SCAP: variants seen among roughly 807,000 people sequenced by gnomAD.
SCAP encodes sterol regulatory element-binding protein cleavage-activating protein.
Under a neutral mutation model 123.6 loss-of-function variants are expected in SCAP, and 65 were observed. The ratio of observed to expected loss-of-function variants is 0.53; its 90% confidence interval spans 0.43 to 0.65. The LOEUF is 0.65. Among genes scored for constraint, SCAP ranks in the 30% least tolerant of loss-of-function variants. SCAP has a pLI of 0.00. For synonymous variants in SCAP, 740 were observed against 726.3 expected (o/e 1.02, Z -0.30); for missense variants, 1,398 against 1,712.5 (o/e 0.82, Z 3.24).
At chr3:47,443,185 T>C (rs1706873519) in intron 1 of SCAP, 94 bp from the exon 2 acceptor site, 1 of 969,278 alleles carries the variant, frequency 1.0e-6, no homozygotes, top group Non-Finnish European at 1.5e-6. Flanking sequence ...GGCTGGGGAA[T>C]GGTTTCAGAA....
Position 47,439,188 on chromosome 3 carries a change from T to A in SCAP, c.122+3684A>T, listed in dbSNP as rs1285245632. ...CTTTGGGAGGCTGAAGTGGGCAGGT[T>A]ACTTGAGGTCAGGAGTTTGACACCA... On this transcript the variant is annotated intron_variant, in intron 2 of 22. Transcript: ENST00000265565. This position sits in a 1 kb window ranked among gnomAD's most constrained non-coding sequence, Gnocchi z 4.0. Among the ~76,000 whole-genome samples, 1 of 151,990 alleles carries A rather than the reference T, an allele frequency of 6.6e-6. No individual in the cohort carries two copies. The highest frequency in any genetic ancestry group is 1.5e-5 in the Non-Finnish European group (1 of 67,992).
chr3:47,445,887 T>C (rs1178885884), intron 1 of SCAP, among the ~76,000 whole-genome samples: 1 of 150,244 alleles, frequency 6.7e-6, no homozygotes, highest in Non-Finnish European at 1.5e-5. Flanking sequence ...TTTTTTTTTT[T>C]TTTTTTTGAG....
rs1705502045 is a variant in SCAP at position 47,414,936 on chromosome 3, A to C, written c.3197T>G (p.Val1066Gly). 6.2e-7 allele frequency: 1 copy of C among 1,612,116 alleles called. No homozygotes were observed. Among genetic ancestry groups the C allele is most frequent in the Non-Finnish European group, 8.5e-7 (1 of 1,179,526 alleles). Reference sequence around the variant, plus strand: ...CACTGTGTGGGTCAGGTGACAGGCCACTGTGTCGCTGCTGCTGTACACTGG... The same window carrying C: ...CACTGTGTGGGTCAGGTGACAGGCCCCTGTGTCGCTGCTGCTGTACACTGG... ...ASPVYSSSDT[V>G]ACHLTHTVPC... is the part of the protein sequence containing the mutation. The change falls in exon 20 of 23, where the codon GTG becomes GGG. Residue 1066 changes from valine to glycine, a missense_variant. Physicochemically the swap from Val to Gly is moderately radical, Grantham distance 109 (BLOSUM62 -3). This residue lies in a region of SCAP where 828 missense variants were observed against 882.5 expected (regional missense o/e 0.94). Transcript: ENST00000265565.
At chr3:47,424,815 T>G (rs1206387240) in intron 8 of SCAP, among the ~76,000 whole-genome samples, 2 of 152,080 alleles carry the variant, frequency 1.3e-5, no homozygotes, top group African/African-American at 2.4e-5. Flanking sequence ...GCCAAAGTGG[T>G]GGACAGGCCA....
At chr3:47,425,935 G>A in intron 7 of SCAP, 62 bp downstream of exon 7, 2 of 1,578,796 alleles carry the variant, frequency 1.3e-6, no homozygotes, top group Non-Finnish European at 1.7e-6. Flanking sequence ...CAGGGAAGCA[G>A]GTGACATGGA....
chr3:47,443,267 CACACA>C (rs1706881589), intron 1 of SCAP, 176 bp from the exon 2 acceptor site: 4 of 204,088 alleles, frequency 2.0e-5, no homozygotes, highest in East Asian at 1.1e-4. Context: ...CACACACACA[CACACA>C]CACACTCTCT....
At chr3:47,472,940 C>T (rs1420901298) in intron 1 of SCAP, among the ~76,000 whole-genome samples, 2 of 151,708 alleles carry the variant, frequency 1.3e-5, no homozygotes, top group Admixed American at 1.3e-4. Context: ...ATTAGCCAGG[C>T]GTGGTAGTGC....
chr3:47,454,020 A>C (rs1707315629), intron 1 of SCAP, among the ~76,000 whole-genome samples: 1 of 152,222 alleles, frequency 6.6e-6, no homozygotes, highest in African/African-American at 2.4e-5. Context: ...AACAGAGATC[A>C]TCTCTGCCAA....
At chr3:47,421,870 T>G (rs575289421) in intron 10 of SCAP, among the ~76,000 whole-genome samples, 283 of 152,380 alleles carry the variant, frequency 1.9e-3, no homozygotes, top group African/African-American at 6.3e-3. Context: ...TCCAGCTCAG[T>G]GCAGGGCCAC....
chr3:47,428,339 GC>G lies in SCAP; in HGVS notation c.410+173del, dbSNP rs546261314. Among the ~76,000 whole-genome samples, 8 of 152,274 alleles carry G rather than the reference GC, an allele frequency of 5.3e-5. No individual in the cohort carries two copies. In the South Asian group the frequency reaches 1.7e-3, roughly 32 times the overall value. ...TCTGCATAGGTCCAAGCGGAATGCA[GC>G]CACCGTAGACCCACAAGGATGCTGA... On this transcript the variant is annotated intron_variant, in intron 4 of 22. Coordinates refer to ENST00000265565, the MANE Select transcript of SCAP (RefSeq NM_012235.4).
At chr3:47,470,844 A>G (rs987784760) in intron 1 of SCAP, among the ~76,000 whole-genome samples, 2 of 152,150 alleles carry the variant, frequency 1.3e-5, no homozygotes, top group African/African-American at 4.8e-5. Context: ...CCTGGGCGAC[A>G]AGAGCAAGAC....
rs879414354 is a variant in SCAP, at chr3:47,462,109, T to TA, written c.-99+13689dup. Among the ~76,000 whole-genome samples, 155 of 151,792 alleles carry TA rather than the reference T, an allele frequency of 1.0e-3. 1 individual carries two copies. The highest frequency in any genetic ancestry group is 1.3e-3 in the African/African-American group (54 of 41,378). On this transcript the variant is annotated intron_variant, in intron 1 of 22. Transcript: ENST00000265565. Reference sequence around the variant, plus strand: ...CAAAGTATTCTACTTCGTTTTGTGGTAAAAAAAAATTATTAACATAAACAT... The same window carrying TA: ...CAAAGTATTCTACTTCGTTTTGTGGTAAAAAAAAAATTATTAACATAAACAT...
At chr3:47,453,397 GAA>G (rs11386934) in intron 1 of SCAP, among the ~76,000 whole-genome samples, 1 of 148,834 alleles carries the variant, frequency 6.7e-6, no homozygotes, top group Non-Finnish European at 1.5e-5. Flanking sequence ...ATTTTTAATG[GAA>G]AAAAAAAAGA....
chr3:47,432,614 A>G lies in SCAP; in HGVS notation c.252+2394T>C, dbSNP rs112119934. ...GAAGTTTTGGCTCCTTCGTATAGGC[A>G]GCAGATGCCTGCAATGTACTGTCTA... On this transcript the variant is annotated intron_variant, in intron 3 of 22. Transcript: ENST00000265565. Among the ~76,000 whole-genome samples, 1,404 of 152,270 alleles carry G rather than the reference A, an allele frequency of 9.2e-3. 32 individuals carry two copies. Among genetic ancestry groups the G allele is most frequent in the African/African-American group, 0.032 (1,327 of 41,562 alleles).
chr3:47,433,666 A>G (rs1319287859), intron 3 of SCAP, among the ~76,000 whole-genome samples: 2 of 152,130 alleles, frequency 1.3e-5, no homozygotes, highest in African/African-American at 4.8e-5. Context: ...CAGGAGTTTG[A>G]GACCAGCCTG....
intron 20 of SCAP, 26 bp downstream of exon 20, chr3:47,414,801 C>A (rs1288416502): frequency 3.8e-6 from 6 of 1,598,248 alleles, no homozygotes; most frequent in Admixed American, 3.4e-5. Context: ...GCCACTCCAG[C>A]ACCCAAGAGA....
chr3:47,417,920 G>A (rs1454771847), intron 16 of SCAP, 94 bp from the exon 17 acceptor site: 12 of 401,668 alleles, frequency 3.0e-5, no homozygotes, highest in Admixed American at 1.8e-4. Context: ...GGAGTGAGAA[G>A]GGGCAAGGGA....
In SCAP at chr3:47,419,988, C is replaced by A. The variant is rs1427400385; in HGVS notation, c.1564-284G>T. 1.3e-5 allele frequency among the ~76,000 whole-genome samples: 2 copies of A among 152,168 alleles called. No homozygotes were observed. The highest frequency in any genetic ancestry group is 4.8e-5 in the African/African-American group (2 of 41,450). On this transcript the variant is annotated intron_variant, in intron 12 of 22. Transcript: ENST00000265565. The surrounding 1 kb of genome is among the most constrained non-coding windows in gnomAD (Gnocchi z 5.0). ...GAGGTTTGACACAGAATGTCCCCAC[C>A]CCTAAGCTCCACCTCAGCTGGAGCC...
rs1338232426 is a variant in SCAP at position 47,442,987 on chromosome 3, G to A, written c.7C>T (p.Leu3=). The change falls in exon 2 of 23, where the codon CTG becomes TTG. Residue 3 remains leucine, a synonymous_variant. Transcript: ENST00000265565. MT[L]TERLREKISR... ...ATCTTCTCACGCAGCCTTTCAGTCA[G>A]GGTCATCCTCAGCCGAAGTCACCTT... 1 of 1,613,708 alleles carries A rather than the reference G, an allele frequency of 6.2e-7. No homozygotes were observed. The highest frequency in any genetic ancestry group is 8.5e-7 in the Non-Finnish European group (1 of 1,180,022).
Sources: allele counts gnomAD v4.1 joint callset (sites outside exome capture counted in the v4.1 genomes callset), GRCh38; gene constraint gnomAD v4.1.1; regional missense constraint gnomAD v4.1.1; non-coding constraint Gnocchi (gnomAD v3.1); transcripts MANE v1.5; gene names NCBI Gene and HGNC (gene_info 2026-07-23, HGNC 2026-07-21).